Variants in GALK2 observed in about 807,000 individuals in gnomAD.
GALK2 encodes the protein galactokinase 2.
In GALK2, 36 loss-of-function variants were observed where a neutral mutation model predicts 52.4. That is an observed-to-expected ratio of 0.69 (90% CI 0.53 to 0.91). GALK2 has a LOEUF of 0.91. GALK2 is among the 40% of genes least tolerant of loss of function. GALK2 has a pLI of 0.00. For synonymous variants in GALK2, 176 were observed against 199.1 expected (o/e 0.88, Z 0.98); for missense variants, 579 against 559.1 (o/e 1.04, Z -0.36).
At position 49,269,924 on chromosome 15, in the gene GALK2, C is replaced by A. The variant is rs910779832; in HGVS notation, c.505-12063C>A. Among the ~76,000 whole-genome samples the A allele has an allele frequency of 1.3e-5, 2 of 152,228 alleles. 1 individual carries two copies. Among genetic ancestry groups the A allele is most frequent in the Admixed American group, 1.3e-4 (2 of 15,286 alleles). On this transcript the variant is annotated intron_variant, in intron 5 of 9. Coordinates refer to ENST00000560031, the MANE Select transcript of GALK2 (RefSeq NM_002044.4). ...TAGAATCCTTTGAAGTTTGAAGGAA[C>A]CGCTTGTGCGTCCTCTTATTCTTTC...
intron 3 of GALK2, among the ~76,000 whole-genome samples, chr15:49,228,700 T>TATTTATTTA (rs1216226128): frequency 6.0e-5 from 5 of 83,648 alleles, no homozygotes; most frequent in African/African-American, 2.0e-4. Flanking sequence ...TTTTTTTTTT[T>TATTTATTTA]TTTTTTTTTT....
chr15:49,181,501 CTTTTTTTTT>C (rs370757144), intron 1 of GALK2, among the ~76,000 whole-genome samples: 3 of 113,632 alleles, frequency 2.6e-5, no homozygotes, highest in Non-Finnish European at 3.7e-5. Flanking sequence ...AAAAAAAAGA[CTTTTTTTTT>C]TTTTTTTTTT....
chr15:49,167,446 C>A (rs1000699843), upstream of GALK2, among the ~76,000 whole-genome samples: 1 of 152,126 alleles, frequency 6.6e-6, no homozygotes, highest in Non-Finnish European at 1.5e-5. Flanking sequence ...CAATCTCCAT[C>A]TCCTGGGTTC....
intron 3 of GALK2, chr15:49,366,527 G>T: frequency 6.7e-7 from 1 of 1,499,276 alleles, no homozygotes; most frequent in Non-Finnish European, 9.3e-7. Context: ...TAGGGTACTT[G>T]GAAGAGCTGA....
chr15:49,355,208 T>C (rs1319362063), intron 3 of GALK2, among the ~76,000 whole-genome samples: 1 of 152,168 alleles, frequency 6.6e-6, no homozygotes, highest in Non-Finnish European at 1.5e-5. Flanking sequence ...GGAACGCAGT[T>C]CCTCACCAGC....
At chr15:49,294,300 A>G (rs917145711) in intron 8 of GALK2, among the ~76,000 whole-genome samples, 1 of 152,172 alleles carries the variant, frequency 6.6e-6, no homozygotes, top group Non-Finnish European at 1.5e-5. Context: ...CAGTCTGACA[A>G]AACAGTAGAT....
In GALK2 at chr15:49,201,053, A is replaced by AGTGTGT. The variant is rs10629223; in HGVS notation, c.54-80_54-75dup. 697 of 400,708 alleles carry AGTGTGT rather than the reference A, an allele frequency of 1.7e-3. 1 individual carries two copies. The highest frequency in any genetic ancestry group is 5.5e-3 in the African/African-American group (253 of 46,306). 24.8% of individuals were successfully genotyped at this position (400,708 alleles called of 1,614,324 possible). A position where few individuals can be genotyped will look rare whatever the true frequency, so the allele number is the denominator to read the frequency against. ...ATAATTAATGGTGGCAGGCATATGG[A>AGTGTGT]GTGTGTGTGTGTGTGTGTGTGTGTG... On this transcript the variant is annotated intron_variant, in intron 1 of 9. Transcript: ENST00000560031.
At position 49,303,741 on chromosome 15, in the gene GALK2, C is replaced by T. The variant is rs80148208; in HGVS notation, c.967+11204C>T. ...CACCTTGGTCCAGCCTTGCAGGCCT[C>T]TTTGTTTCTGACCCTGTAGTTCCTG... On this transcript the variant is annotated intron_variant, in intron 8 of 9. Transcript: ENST00000560031. 8.0e-3 allele frequency among the ~76,000 whole-genome samples: 1,225 copies of T among 152,276 alleles called. 16 individuals carry two copies. The highest frequency in any genetic ancestry group is 0.028 in the African/African-American group (1,179 of 41,552).
chr15:49,235,763 T>G, intron 3 of GALK2, 88 bp from the exon 4 acceptor site: 1 of 844,246 alleles, frequency 1.2e-6, no homozygotes, highest in Non-Finnish European at 2.1e-6. Context: ...AGTATCGCTG[T>G]GTTGGCACAA....
At chr15:49,342,477 T>C (rs1019841473) in intron 3 of GALK2, among the ~76,000 whole-genome samples, 2 of 152,196 alleles carry the variant, frequency 1.3e-5, no homozygotes, top group Admixed American at 6.5e-5. Context: ...TCTTGTTCTT[T>C]TATCCAACTT....
chr15:49,157,388 A>G (rs1013243832), intron 1 of GALK2, among the ~76,000 whole-genome samples: 1 of 152,234 alleles, frequency 6.6e-6, no homozygotes, highest in African/African-American at 2.4e-5. Flanking sequence ...AATTAAAATT[A>G]CTACCCCAGG....
chr15:49,341,439 T>C (rs1340912159), intron 3 of GALK2, among the ~76,000 whole-genome samples: 1 of 152,194 alleles, frequency 6.6e-6, no homozygotes, highest in African/African-American at 2.4e-5. Context: ...TCCACAGAAT[T>C]TTCTAGTTTT....
upstream of GALK2, among the ~76,000 whole-genome samples, chr15:49,167,443 C>T (rs538736431): frequency 4.6e-5 from 7 of 152,218 alleles, no homozygotes; most frequent in African/African-American, 1.7e-4. Context: ...ACTCAATCTC[C>T]ATCTCCTGGG....
chr15:49,194,529 G>GT (rs2087039863), intron 1 of GALK2, among the ~76,000 whole-genome samples: 1 of 151,132 alleles, frequency 6.6e-6, no homozygotes, highest in African/African-American at 2.4e-5. Context: ...CTCAAAACAG[G>GT]GTTTTTTTGT....
chr15:49,348,551 A>G (rs566573306), intron 3 of GALK2, among the ~76,000 whole-genome samples: 1 of 152,310 alleles, frequency 6.6e-6, no homozygotes, highest in East Asian at 1.9e-4. Context: ...GAAATTTTGG[A>G]GCACCTCACA....
intron 1 of GALK2, among the ~76,000 whole-genome samples, chr15:49,186,571 C>T (rs2086361071): frequency 2.2e-5 from 3 of 138,160 alleles, no homozygotes; most frequent in African/African-American, 5.6e-5. Context: ...GATGGAGTCT[C>T]ACTCTGTCGT....
downstream of GALK2, among the ~76,000 whole-genome samples, chr15:49,333,591 A>AGAT (rs2039199053): frequency 6.6e-6 from 1 of 152,202 alleles, no homozygotes; most frequent in Non-Finnish European, 1.5e-5. Context: ...GTGAAAAGTG[A>AGAT]GATAAGATCC....
Position 49,328,013 on chromosome 15 carries a change from A to G in GALK2, c.1231A>G (p.Met411Val), listed in dbSNP as rs377181822. 1.7e-5 allele frequency: 28 copies of G among 1,613,886 alleles called. No homozygotes were observed. The highest frequency in any genetic ancestry group is 9.3e-5 in the African/African-American group (7 of 74,932). The stretch of plus-strand genomic sequence containing the variant: ...AGGATGGGGAGGCTGCACAGTATCA[A>G]TGGTACCTGCGGACAAGCTGCCCAG... The part of the protein sequence containing the change: ...GAGWGGCTVS[M>V]VPADKLPSFL... The change falls in exon 10 of 10, where the codon ATG becomes GTG. Residue 411 changes from methionine to valine, a missense_variant. Met to Val is a conservative substitution (Grantham distance 21, BLOSUM62 1). Coordinates refer to ENST00000560031, the MANE Select transcript of GALK2 (RefSeq NM_002044.4).
intron 1 of GALK2, among the ~76,000 whole-genome samples, chr15:49,179,952 A>G (rs1030307844): frequency 6.6e-6 from 1 of 151,852 alleles, no homozygotes; most frequent in African/African-American, 2.4e-5. Flanking sequence ...AACACTGTAC[A>G]CTTCAGTTCT....
Sources: allele counts gnomAD v4.1 joint callset (sites outside exome capture counted in the v4.1 genomes callset), GRCh38; gene constraint gnomAD v4.1.1; transcripts MANE v1.5; gene names NCBI Gene and HGNC (gene_info 2026-07-23, HGNC 2026-07-21).